Variants in UBE2N observed in about 807,000 individuals in gnomAD.
UBE2N encodes the protein ubiquitin-conjugating enzyme E2 N.
For missense variants in UBE2N, 60 were observed against 192.1 expected, an observed-to-expected ratio of 0.31 and a Z score of 4.07; for synonymous variants, 70 against 69.2, an observed-to-expected ratio of 1.01 and a Z score of -0.06.
intron 1 of UBE2N, among the ~76,000 whole-genome samples, chr12:93,413,497 A>G (rs889880511): frequency 3.9e-5 from 6 of 152,066 alleles, no homozygotes; most frequent in Admixed American, 1.3e-4. Context: ...TCTTGCCTCT[A>G]TAACTACCTG....
At chr12:93,418,136 T>C (rs117268529) in intron 1 of UBE2N, among the ~76,000 whole-genome samples, 93 of 148,744 alleles carry the variant, frequency 6.3e-4, no homozygotes, top group Admixed American at 1.5e-3. Flanking sequence ...GCCCAATAAG[T>C]GAGCATTTAA....
At chr12:93,435,265 G>C (rs554292831) in intron 1 of UBE2N, among the ~76,000 whole-genome samples, 14 of 152,100 alleles carry the variant, frequency 9.2e-5, no homozygotes, top group Non-Finnish European at 1.5e-4. Flanking sequence ...CAAAGGTCAG[G>C]AGTTCGAGAC....
In UBE2N at chr12:93,406,902, T is replaced by C. The variant is rs7968453; in HGVS notation, c.*3137A>G. ...TCTTGCTAGACAGCCTTTGAGAGGA[T>C]GAAGGATAACTAGAGCAGAAGCAAA... is the stretch of plus-strand genomic sequence containing the variant. On this transcript the variant is annotated 3_prime_UTR_variant, in exon 4 of 4. Transcript: ENST00000318066. 89,973 of 152,058 alleles carry C rather than the reference T, an allele frequency of 0.59. 27,571 individuals carry two copies. The highest frequency in any genetic ancestry group is 0.77 in the African/African-American group (31,810 of 41,484). The allele number at this position is 152,058 out of a possible 1,614,324, so 9.4% of individuals were successfully genotyped here.
At chr12:93,418,989 T>C (rs980634701) in intron 1 of UBE2N, among the ~76,000 whole-genome samples, 5 of 152,224 alleles carry the variant, frequency 3.3e-5, no homozygotes, top group African/African-American at 1.2e-4. Context: ...AAGACAATCA[T>C]GTTATAATGT....
At chr12:93,429,282 AG>A (rs1245654062) in intron 1 of UBE2N, 3 of 421,836 alleles carry the variant, frequency 7.1e-6, no homozygotes, top group Non-Finnish European at 1.4e-5. Context: ...AAAAAAAAAA[AG>A]AAAGAAAGAA....
intron 1 of UBE2N, among the ~76,000 whole-genome samples, chr12:93,417,457 A>G (rs1451511984): frequency 1.3e-5 from 2 of 152,238 alleles, no homozygotes; most frequent in African/African-American, 4.8e-5. Context: ...TGGAGTATGT[A>G]CAGTAAAATT....
intron 1 of UBE2N, among the ~76,000 whole-genome samples, chr12:93,432,353 A>G (rs1363811008): frequency 6.6e-6 from 1 of 152,006 alleles, no homozygotes; most frequent in African/African-American, 2.4e-5. Flanking sequence ...TGGATAATAA[A>G]GAGACACGCA....
In UBE2N at chr12:93,412,596, G is replaced by A. The variant is rs184698681; in HGVS notation, c.31-1297C>T. Reference sequence around the variant, plus strand: ...TGCCACAAGAGTATACTGAACAAAGGAGACAGGGTCATTTATAACCTGACG... The same window carrying A: ...TGCCACAAGAGTATACTGAACAAAGAAGACAGGGTCATTTATAACCTGACG... On this transcript the variant is annotated intron_variant, in intron 1 of 3. Coordinates refer to ENST00000318066, the MANE Select transcript of UBE2N (RefSeq NM_003348.4). Among the ~76,000 whole-genome samples, 84 of 152,306 alleles carry A rather than the reference G, an allele frequency of 5.5e-4. 1 individual carries two copies. In the East Asian group the frequency reaches 0.015, roughly 27 times the overall value.
chr12:93,436,986 G>A (rs930892976), intron 1 of UBE2N, among the ~76,000 whole-genome samples: 1 of 152,132 alleles, frequency 6.6e-6, no homozygotes, highest in Admixed American at 6.5e-5. Context: ...TCTAGGCCAG[G>A]CACGGTGGTT....
At position 93,441,933 on chromosome 12, in the gene UBE2N, G is replaced by C. The variant is rs763954959; in HGVS notation, c.-49C>G. The C allele has an allele frequency of 1.3e-6, 2 of 1,543,382 alleles. No homozygotes were observed. The highest frequency in any genetic ancestry group is 2.7e-5 in the East Asian group (1 of 37,632). Reference sequence around the variant, plus strand: ...TCTGGTCTCGTCTCCGGCTCCTCTCGCCTCACGCACGAGTGGAAGTCCCGG... The same window carrying C: ...TCTGGTCTCGTCTCCGGCTCCTCTCCCCTCACGCACGAGTGGAAGTCCCGG... On this transcript the variant is annotated 5_prime_UTR_variant, in exon 1 of 4. Coordinates refer to ENST00000318066, the MANE Select transcript of UBE2N (RefSeq NM_003348.4).
intron 1 of UBE2N, among the ~76,000 whole-genome samples, chr12:93,425,574 G>C (rs1592746996): frequency 6.6e-6 from 1 of 152,146 alleles, no homozygotes; most frequent in South Asian, 2.1e-4. Flanking sequence ...TTAATGAACA[G>C]ATCAACTGCA....
At chr12:93,417,956 T>C (rs1034914236) in intron 1 of UBE2N, among the ~76,000 whole-genome samples, 1 of 152,222 alleles carries the variant, frequency 6.6e-6, no homozygotes, top group Non-Finnish European at 1.5e-5. Context: ...AAGTTACTTA[T>C]GAGAATCTGC....
chr12:93,441,740 C>G, intron 1 of UBE2N, 115 bp downstream of exon 1: 1 of 1,410,008 alleles, frequency 7.1e-7, no homozygotes, highest in South Asian at 1.3e-5. Context: ...CTCTCCGCGC[C>G]GCCTCGGGCC....
chr12:93,422,718 T>C (rs539086855), intron 1 of UBE2N, among the ~76,000 whole-genome samples: 4 of 152,210 alleles, frequency 2.6e-5, no homozygotes, highest in Non-Finnish European at 4.4e-5. Context: ...TGATGTAGAT[T>C]GTGGGTTTTT....
Position 93,411,479 on chromosome 12 carries a change from G to A in UBE2N, c.31-180C>T, listed in dbSNP as rs1487665662. On this transcript the variant is annotated intron_variant, in intron 1 of 3. Coordinates refer to ENST00000318066, the MANE Select transcript of UBE2N (RefSeq NM_003348.4). ...ACCATTTAAATAATTACAACCAGCTGAATGAAACTGCAAGCGAATACTAAT... is the reference window on the plus strand; with the variant it reads ...ACCATTTAAATAATTACAACCAGCTAAATGAAACTGCAAGCGAATACTAAT... Among the ~76,000 whole-genome samples, 3 of 152,182 alleles carry A rather than the reference G, an allele frequency of 2.0e-5. No individual in the cohort carries two copies. The East Asian group carries it at 5.8e-4, about 29-fold the overall frequency.
At chr12:93,441,781 G>C in intron 1 of UBE2N, 74 bp downstream of exon 1, 1 of 1,556,190 alleles carries the variant, frequency 6.4e-7, no homozygotes, top group Non-Finnish European at 8.7e-7. Flanking sequence ...CGAAGGAGGC[G>C]AGAGGCCGCG....
chr12:93,415,488 T>C (rs1424209197), intron 1 of UBE2N, among the ~76,000 whole-genome samples: 2 of 152,182 alleles, frequency 1.3e-5, no homozygotes, highest in Non-Finnish European at 2.9e-5. Flanking sequence ...AACTAAAACA[T>C]TTTTAGAGTA....
chr12:93,425,795 C>G (rs969229728), intron 1 of UBE2N, among the ~76,000 whole-genome samples: 1 of 152,244 alleles, frequency 6.6e-6, no homozygotes, highest in Non-Finnish European at 1.5e-5. Context: ...ACTATTCCTA[C>G]AGGTCATACA....
chr12:93,410,581 T>C (rs552987015), intron 3 of UBE2N, 153 bp downstream of exon 3: 1 of 1,198,752 alleles, frequency 8.3e-7, no homozygotes, highest in East Asian at 2.4e-5. Context: ...TAGCAAGCCA[T>C]TTTGTTAAGA....
Sources: allele counts gnomAD v4.1 joint callset (sites outside exome capture counted in the v4.1 genomes callset), GRCh38; gene constraint gnomAD v4.1.1; transcripts MANE v1.5; gene names NCBI Gene and HGNC (gene_info 2026-07-23, HGNC 2026-07-21).